Variants in SRGAP2C observed in about 807,000 individuals in gnomAD.
SRGAP2C encodes the protein SLIT-ROBO Rho GTPase-activating protein 2C.
A neutral mutation model predicts 25.1 loss-of-function variants in SRGAP2C; 15 were observed. The observed-to-expected ratio is 0.60, with a 90% confidence interval of 0.40 to 0.92. The LOEUF (loss-of-function observed/expected upper bound fraction) is 0.92, where lower values mean the gene tolerates loss of function less well. Among genes scored for constraint, SRGAP2C ranks in the 40% least tolerant of loss-of-function variants. The probability of loss-of-function intolerance (pLI) is 0.00; values close to 1 mark genes in which losing one functional copy is unlikely to be tolerated. For missense variants in SRGAP2C, 144 were observed against 264.4 expected, an observed-to-expected ratio of 0.54 and a Z score of 3.16; for synonymous variants, 44 against 96.6, an observed-to-expected ratio of 0.46 and a Z score of 3.19.
intron 3 of SRGAP2C, among the ~76,000 whole-genome samples, chr1:121,323,207 CT>C (rs1441286817): frequency 7.4e-5 from 11 of 149,440 alleles, no homozygotes; most frequent in Admixed American, 4.7e-4. Context: ...ATTATTCCTA[CT>C]TTTGTTTCTC....
Position 121,335,384 on chromosome 1 carries a change from A to C in SRGAP2C, c.423+10744A>C, listed in dbSNP as rs1416088604. Among the ~76,000 whole-genome samples the C allele has an allele frequency of 6.0e-4, 81 of 134,436 alleles. 1 individual carries two copies. Among genetic ancestry groups the C allele is most frequent in the Non-Finnish European group, 1.1e-3 (68 of 62,930 alleles). 88.2% of individuals were successfully genotyped at this position (134,436 alleles called of 152,430 possible). ...TAAATAAATAAATAAATAAATAAAT[A>C]AATAAAACAACCAATTCTTTCTTTT... On this transcript the variant is annotated intron_variant, in intron 4 of 9. Coordinates refer to ENST00000367123, the MANE Select transcript of SRGAP2C (RefSeq NM_001329984.2).
intron 2 of SRGAP2C, among the ~76,000 whole-genome samples, chr1:121,259,838 T>C (rs1656575978): frequency 6.8e-6 from 1 of 147,768 alleles, no homozygotes; most frequent in Non-Finnish European, 1.5e-5. Flanking sequence ...TTCTTTCTTC[T>C]TCTACTTTTT....
intron 2 of SRGAP2C, among the ~76,000 whole-genome samples, chr1:121,270,563 C>T (rs1656921392): frequency 7.8e-6 from 1 of 128,282 alleles, no homozygotes; most frequent in Non-Finnish European, 1.6e-5. Context: ...TTTTACACAC[C>T]ATTAATTAGA....
rs1658907929 is a variant in SRGAP2C at position 121,351,561 on chromosome 1, G to T, written c.424-13732G>T. Among the ~76,000 whole-genome samples the T allele has an allele frequency of 2.1e-5, 3 of 141,970 alleles. No individual in the cohort carries two copies. In the South Asian group the frequency reaches 6.9e-4, roughly 33 times the overall value. 93.1% of individuals were successfully genotyped at this position (141,970 alleles called of 152,430 possible). A position where few individuals can be genotyped will look rare whatever the true frequency, so the allele number is the denominator to read the frequency against. Reference sequence around the variant, plus strand: ...GGAGGCGGAGCTTGCAGTGAGCAGAGATCGCGCCACTGCACTCCAGCCTGG... The same window carrying T: ...GGAGGCGGAGCTTGCAGTGAGCAGATATCGCGCCACTGCACTCCAGCCTGG... On this transcript the variant is annotated intron_variant, in intron 4 of 9. Coordinates refer to ENST00000367123, the MANE Select transcript of SRGAP2C (RefSeq NM_001329984.2).
intron 4 of SRGAP2C, among the ~76,000 whole-genome samples, chr1:121,336,533 C>A (rs1268045668): frequency 9.3e-6 from 1 of 108,084 alleles, no homozygotes; most frequent in Non-Finnish European, 1.9e-5. Context: ...TTGTTTCCTC[C>A]TTCCCTTCCT....
chr1:121,231,018 C>T (rs1655805262), intron 2 of SRGAP2C, among the ~76,000 whole-genome samples: 1 of 130,092 alleles, frequency 7.7e-6, no homozygotes, highest in Non-Finnish European at 1.6e-5. Flanking sequence ...GGGAACATCA[C>T]ACACCAGGGC....
At chr1:121,268,350 C>T (rs1656856558) in intron 2 of SRGAP2C, among the ~76,000 whole-genome samples, 2 of 151,334 alleles carry the variant, frequency 1.3e-5, no homozygotes, top group Non-Finnish European at 3.0e-5. Context: ...GTTCTATGAC[C>T]AGAGAGGCCA....
At chr1:121,296,021 A>G (rs1375987126) in intron 3 of SRGAP2C, among the ~76,000 whole-genome samples, 3 of 151,518 alleles carry the variant, frequency 2.0e-5, no homozygotes, top group South Asian at 2.1e-4. Flanking sequence ...TTGGCCTCCC[A>G]AAGTGCTGGG....
At chr1:121,303,800 C>G (rs1363694068) in intron 3 of SRGAP2C, among the ~76,000 whole-genome samples, 1 of 152,000 alleles carries the variant, frequency 6.6e-6, no homozygotes, top group African/African-American at 2.4e-5. Flanking sequence ...TTTTATTTAA[C>G]TTTCTCCCCT....
intron 2 of SRGAP2C, among the ~76,000 whole-genome samples, chr1:121,277,250 A>G (rs1570757229): frequency 1.3e-5 from 2 of 150,126 alleles, no homozygotes. Flanking sequence ...TTTGAAATGT[A>G]TATTTGGATC....
chr1:121,322,972 G>A (rs1404918545), intron 3 of SRGAP2C, among the ~76,000 whole-genome samples: 22 of 152,206 alleles, frequency 1.4e-4, no homozygotes, highest in African/African-American at 4.8e-4. Context: ...CAGTGAATGA[G>A]AGTACTCGCT....
chr1:121,184,984 C>A lies in SRGAP2C; in HGVS notation c.-683C>A, dbSNP rs1266631784. 2.0e-6 allele frequency: 1 copy of A among 511,154 alleles called. No individual in the cohort carries two copies. The highest frequency in any genetic ancestry group is 3.7e-5 in the Admixed American group (1 of 27,272). The allele number at this position is 511,154 out of a possible 1,614,324, so 31.7% of individuals were successfully genotyped here. A position where few individuals can be genotyped will look rare whatever the true frequency, so the allele number is the denominator to read the frequency against. ...GGCTCTACTTCCCGGCGGGGTCCTG[C>A]GGAGTTGGCGGAGGCGGCGGAGGCT... On this transcript the variant is annotated 5_prime_UTR_variant, in exon 1 of 10. Transcript: ENST00000367123.
intron 3 of SRGAP2C, among the ~76,000 whole-genome samples, chr1:121,308,435 T>C (rs1446759887): frequency 6.6e-6 from 1 of 151,634 alleles, no homozygotes; most frequent in African/African-American, 2.4e-5. Context: ...GAAGATTCAC[T>C]GAGTTTGGGA....
intron 3 of SRGAP2C, among the ~76,000 whole-genome samples, chr1:121,296,226 A>AT (rs1447695059): frequency 7.9e-5 from 12 of 152,088 alleles, no homozygotes; most frequent in Admixed American, 7.2e-4. Context: ...GGCTAAAGAG[A>AT]TTTTTTGGCT....
chr1:121,282,942 T>C (rs1487684249), intron 2 of SRGAP2C, among the ~76,000 whole-genome samples: 1 of 149,708 alleles, frequency 6.7e-6, no homozygotes, highest in Non-Finnish European at 1.5e-5. Flanking sequence ...GCCCACCCAA[T>C]GGCTATTACT....
chr1:121,199,726 C>T (rs1440916520), intron 2 of SRGAP2C, among the ~76,000 whole-genome samples: 3 of 141,574 alleles, frequency 2.1e-5, no homozygotes, highest in South Asian at 2.2e-4. Flanking sequence ...ACCTGGGATG[C>T]GGAGGTTGCA....
chr1:121,196,263 A>C (rs1163296443), intron 2 of SRGAP2C, among the ~76,000 whole-genome samples: 1 of 54,612 alleles, frequency 1.8e-5, no homozygotes, highest in African/African-American at 1.0e-4. Context: ...AGCCTGGGCA[A>C]CAAGAGTGAA....
chr1:121,372,175 C>G (rs1404645591), intron 5 of SRGAP2C, among the ~76,000 whole-genome samples: 5 of 151,658 alleles, frequency 3.3e-5, no homozygotes, highest in African/African-American at 4.9e-5. Flanking sequence ...AATTTAGACT[C>G]TAATGTACTT....
chr1:121,378,578 G>A (rs1570830865), intron 7 of SRGAP2C, among the ~76,000 whole-genome samples: 1 of 150,366 alleles, frequency 6.7e-6, no homozygotes, highest in Non-Finnish European at 1.5e-5. Context: ...TGACCTATGA[G>A]ATAAAAAGGG....
Sources: allele counts gnomAD v4.1 joint callset (sites outside exome capture counted in the v4.1 genomes callset), GRCh38; gene constraint gnomAD v4.1.1; transcripts MANE v1.5; gene names NCBI Gene and HGNC (gene_info 2026-07-23, HGNC 2026-07-21).